DCLK1: variants seen among roughly 807,000 people sequenced by gnomAD.
DCLK1 encodes doublecortin like kinase 1, also known as serine/threonine-protein kinase DCLK1.
A neutral mutation model predicts 86.2 loss-of-function variants in DCLK1; 16 were observed. The observed-to-expected ratio is 0.19, with a 90% CI of 0.13 to 0.28. DCLK1 has a LOEUF of 0.28. Ranked by LOEUF, DCLK1 falls within the 10% of genes least tolerant of loss-of-function variation. The pLI, the probability that DCLK1 is intolerant of heterozygous loss-of-function variation, is 1.00. For synonymous variants in DCLK1, 369 were observed against 370.5 expected, an observed-to-expected ratio of 1.00 and a Z score of 0.05; for missense variants, 590 against 940.2, an observed-to-expected ratio of 0.63 and a Z score of 4.87.
At chr13:36,068,897 G>A (rs1883863280) in intron 3 of DCLK1, among the ~76,000 whole-genome samples, 1 of 152,172 alleles carries the variant, frequency 6.6e-6, no homozygotes, top group Admixed American at 6.5e-5. Flanking sequence ...CCAGGTTACT[G>A]TGAAGGTAAG....
chr13:35,815,401 A>G (rs1487770044), intron 11 of DCLK1, among the ~76,000 whole-genome samples: 2 of 152,346 alleles, frequency 1.3e-5, no homozygotes, highest in East Asian at 3.9e-4. Context: ...GACTAATGTA[A>G]CAGATGTGTT....
intron 15 of DCLK1, among the ~76,000 whole-genome samples, chr13:35,804,445 T>G (rs536699997): frequency 6.6e-6 from 1 of 151,740 alleles, no homozygotes. Flanking sequence ...ACTATTATTA[T>G]TTTTTGAGAT....
chr13:35,889,373 T>C (rs1407746991), intron 4 of DCLK1, among the ~76,000 whole-genome samples: 1 of 152,162 alleles, frequency 6.6e-6, no homozygotes, highest in Non-Finnish European at 1.5e-5. Flanking sequence ...TGCAAAAATA[T>C]TAAAAGAAGG....
At chr13:36,033,264 A>G (rs1242801119) in intron 3 of DCLK1, among the ~76,000 whole-genome samples, 1 of 152,178 alleles carries the variant, frequency 6.6e-6, no homozygotes, top group African/African-American at 2.4e-5. Context: ...TAATTTTGTT[A>G]TTGCCCATGT....
At chr13:36,012,556 C>T (rs956153556) in intron 3 of DCLK1, among the ~76,000 whole-genome samples, 2 of 142,852 alleles carry the variant, frequency 1.4e-5, no homozygotes, top group Non-Finnish European at 3.1e-5. Context: ...AATATTGGCC[C>T]CCACTCTCTT....
chr13:35,777,272 A>G (rs1029802869), intron 16 of DCLK1, among the ~76,000 whole-genome samples: 2 of 151,948 alleles, frequency 1.3e-5, no homozygotes, highest in South Asian at 4.2e-4. Flanking sequence ...GGATTTGCAG[A>G]CTCTTAAAGT....
intron 3 of DCLK1, among the ~76,000 whole-genome samples, chr13:35,961,332 A>T (rs1234842084): frequency 2.0e-5 from 3 of 152,120 alleles, no homozygotes; most frequent in Non-Finnish European, 4.4e-5. Context: ...TTCCAAGATT[A>T]CTCTCAGAGT....
At position 35,793,506 on chromosome 13, in the gene DCLK1, G is replaced by A. The variant is rs781338577; in HGVS notation, c.1945-27C>T. ...TGGAGAAAAAGAAATAAAGAGAAGA[G>A]AAAAAGAAAGAAAATGAGATAAATG... On this transcript the variant is annotated intron_variant, in intron 15 of 16. Transcript: ENST00000360631. 4.6e-6 allele frequency: 7 copies of A among 1,518,658 alleles called. No homozygotes were observed. In the East Asian group the frequency reaches 1.4e-4, roughly 30 times the overall value. 94.1% of individuals were successfully genotyped at this position (1,518,658 alleles called of 1,614,324 possible).
intron 3 of DCLK1, among the ~76,000 whole-genome samples, chr13:35,987,590 A>G (rs560345685): frequency 1.3e-5 from 2 of 152,298 alleles, no homozygotes; most frequent in East Asian, 3.9e-4. Flanking sequence ...CCTATCCCAT[A>G]AAATACATAC....
intron 4 of DCLK1, among the ~76,000 whole-genome samples, chr13:35,886,462 C>T (rs1873256937): frequency 6.6e-6 from 1 of 152,148 alleles, no homozygotes; most frequent in Non-Finnish European, 1.5e-5. Flanking sequence ...GAAATATCTA[C>T]CCTAAAGAAG....
At chr13:35,904,358 AT>A (rs1442355758) in intron 4 of DCLK1, among the ~76,000 whole-genome samples, 1 of 152,006 alleles carries the variant, frequency 6.6e-6, no homozygotes, top group Non-Finnish European at 1.5e-5. Flanking sequence ...TGCCCGGCTA[AT>A]TTTTGTATTT....
intron 3 of DCLK1, among the ~76,000 whole-genome samples, chr13:35,987,819 G>A (rs1880012781): frequency 6.6e-6 from 1 of 152,144 alleles, no homozygotes; most frequent in African/African-American, 2.4e-5. Context: ...ATGTGCTCCA[G>A]AGGCCAGAAG....
At chr13:36,102,293 G>A (rs1465633322) in intron 3 of DCLK1, among the ~76,000 whole-genome samples, 6 of 151,082 alleles carry the variant, frequency 4.0e-5, no homozygotes, top group Admixed American at 3.3e-4. Context: ...ATCTGCCAAG[G>A]CAACTTTGGT....
chr13:35,815,914 G>C (rs1317087862), intron 11 of DCLK1, among the ~76,000 whole-genome samples: 1 of 152,108 alleles, frequency 6.6e-6, no homozygotes, highest in East Asian at 1.9e-4. Flanking sequence ...AAAGGAGTAA[G>C]TCAGAAGAGA....
chr13:36,076,715 C>T (rs1233449139), intron 3 of DCLK1, among the ~76,000 whole-genome samples: 2 of 152,102 alleles, frequency 1.3e-5, no homozygotes, highest in Non-Finnish European at 2.9e-5. Flanking sequence ...AGAGAAGTTC[C>T]GATTGCACCC....
chr13:35,818,593 T>A (rs1270187077), intron 11 of DCLK1, among the ~76,000 whole-genome samples: 1 of 152,288 alleles, frequency 6.6e-6, no homozygotes, highest in Non-Finnish European at 1.5e-5. Flanking sequence ...GTTTCTGGAA[T>A]CTAATAAAAA....
chr13:35,883,192 T>C (rs974022885), intron 4 of DCLK1, among the ~76,000 whole-genome samples: 1 of 152,210 alleles, frequency 6.6e-6, no homozygotes, highest in East Asian at 1.9e-4. Flanking sequence ...TGTTGTAGTT[T>C]AGATATTTGA....
chr13:36,038,822 G>A (rs1166062760), intron 3 of DCLK1, among the ~76,000 whole-genome samples: 2 of 152,182 alleles, frequency 1.3e-5, no homozygotes, highest in Non-Finnish European at 2.9e-5. Context: ...TAAGGAAACT[G>A]AGGTGTAAAG....
At chr13:35,942,592 C>T (rs946907134) in intron 4 of DCLK1, among the ~76,000 whole-genome samples, 5 of 152,226 alleles carry the variant, frequency 3.3e-5, no homozygotes, top group Non-Finnish European at 7.3e-5. Flanking sequence ...CCTTCAGGGG[C>T]CTGATGGGAC....
Sources: gnomAD v4.1 joint callset for allele counts (sites outside exome capture counted in the v4.1 genomes callset) on GRCh38, gnomAD v4.1.1 for gene constraint, MANE v1.5 for transcripts, NCBI Gene and HGNC (gene_info 2026-07-23, HGNC 2026-07-21) for gene names.